FBXO4: variants seen among roughly 807,000 people sequenced by gnomAD.
FBXO4 encodes the protein F-box protein 4.
FBXO4 carries 36 observed loss-of-function variants against 43.7 expected under a neutral mutation model. The observed-to-expected ratio is 0.82, with a 90% confidence interval of 0.63 to 1.09. FBXO4 has a LOEUF of 1.09. FBXO4 is among the 50% of genes least tolerant of loss of function. The pLI is 0.00. For missense variants in FBXO4, 435 were observed against 474.1 expected (o/e 0.92, Z 0.77); for synonymous variants, 180 against 165.6 (o/e 1.09, Z -0.67).
chr5:41,926,129 A>C (rs1049227655), intron 1 of FBXO4, among the ~76,000 whole-genome samples: 8 of 152,202 alleles, frequency 5.3e-5, no homozygotes, highest in African/African-American at 1.9e-4. Flanking sequence ...AAATTATTGA[A>C]AATTATTACA....
intron 5 of FBXO4, among the ~76,000 whole-genome samples, chr5:41,937,388 G>A (rs977241499): frequency 1.3e-5 from 2 of 152,048 alleles, no homozygotes; most frequent in African/African-American, 4.8e-5. Flanking sequence ...ACTGCAAGGG[G>A]GAAAAAACAT....
chr5:41,933,075 C>T (rs1314350082), intron 3 of FBXO4, among the ~76,000 whole-genome samples: 2 of 152,126 alleles, frequency 1.3e-5, no homozygotes, highest in Admixed American at 6.6e-5. Flanking sequence ...ATTAGTTCAA[C>T]TTCTTTTTGG....
chr5:41,942,728 C>A (rs1752023718), downstream of FBXO4, among the ~76,000 whole-genome samples: 1 of 151,986 alleles, frequency 6.6e-6, no homozygotes, highest in Non-Finnish European at 1.5e-5. Flanking sequence ...TTTTCCTAGT[C>A]CTAATTATCT....
chr5:42,031,471 A>C, the FBXO4 span, among the ~76,000 whole-genome samples: 2 of 72,200 alleles, frequency 2.8e-5, no homozygotes, highest in Admixed American at 1.6e-4. Context: ...GAGTGGGGGG[A>C]GGGGGGAGGG....
At chr5:41,933,231 A>AT (rs755683170) in intron 3 of FBXO4, among the ~76,000 whole-genome samples, 103 of 152,102 alleles carry the variant, frequency 6.8e-4, no homozygotes, top group Admixed American at 6.5e-4. Flanking sequence ...ATTTATTATT[A>AT]TTTTTTGAGA....
downstream of FBXO4, among the ~76,000 whole-genome samples, chr5:41,942,749 C>G (rs1353821737): frequency 6.6e-6 from 1 of 152,018 alleles, no homozygotes; most frequent in African/African-American, 2.4e-5. Flanking sequence ...TTGGATAGGA[C>G]TTGCTGCATG....
the FBXO4 span, among the ~76,000 whole-genome samples, chr5:42,035,217 G>C: frequency 6.6e-6 from 1 of 151,898 alleles, no homozygotes; most frequent in Non-Finnish European, 1.5e-5. Context: ...AAAGAGTTTT[G>C]GGGTTGAGAT....
the FBXO4 span, among the ~76,000 whole-genome samples, chr5:42,029,174 T>C: frequency 1.3e-5 from 2 of 152,036 alleles, no homozygotes; most frequent in African/African-American, 2.4e-5. Flanking sequence ...AGAAAGTCTT[T>C]ATTTCTCCTT....
At chr5:41,936,743 C>G (rs1428157418) in intron 5 of FBXO4, among the ~76,000 whole-genome samples, 1 of 151,690 alleles carries the variant, frequency 6.6e-6, no homozygotes, top group Non-Finnish European at 1.5e-5. Flanking sequence ...TTAAGTCATT[C>G]AGAATTATCC....
At chr5:42,012,140 C>T in the FBXO4 span, among the ~76,000 whole-genome samples, 1 of 152,216 alleles carries the variant, frequency 6.6e-6, no homozygotes, top group South Asian at 2.1e-4. Flanking sequence ...GTTCAGGAAA[C>T]CCTAACTAAG....
the FBXO4 span, among the ~76,000 whole-genome samples, chr5:41,989,692 T>C: frequency 6.6e-6 from 1 of 152,194 alleles, no homozygotes. Context: ...AAGTCAAAGA[T>C]GTCTACCCTG....
chr5:41,956,280 T>C, the FBXO4 span, among the ~76,000 whole-genome samples: 7 of 152,250 alleles, frequency 4.6e-5, no homozygotes, highest in Admixed American at 2.6e-4. Flanking sequence ...AAGGCCCAAA[T>C]TGGGCTTCTG....
At chr5:41,937,851 CAATA>C (rs767147204) in intron 5 of FBXO4, among the ~76,000 whole-genome samples, 45 of 152,300 alleles carry the variant, frequency 3.0e-4, no homozygotes, top group Admixed American at 5.9e-4. Flanking sequence ...TTTTTAATGG[CAATA>C]TTAATCTACT....
the FBXO4 span, among the ~76,000 whole-genome samples, chr5:41,995,036 A>G: frequency 6.6e-6 from 1 of 152,114 alleles, no homozygotes; most frequent in Non-Finnish European, 1.5e-5. Flanking sequence ...AAGTACTATC[A>G]CCTAGTTGGC....
intron 1 of FBXO4, among the ~76,000 whole-genome samples, chr5:41,926,581 A>G (rs1457935209): frequency 6.6e-6 from 1 of 152,216 alleles, no homozygotes. Context: ...TCAAAAAAGA[A>G]AAAGACAAAT....
At chr5:41,952,587 G>T in the FBXO4 span, among the ~76,000 whole-genome samples, 3 of 152,060 alleles carry the variant, frequency 2.0e-5, no homozygotes, top group African/African-American at 7.2e-5. Context: ...AAGGAACTTT[G>T]TGCCTTTTAG....
At chr5:42,029,888 T>A in the FBXO4 span, among the ~76,000 whole-genome samples, 1 of 152,038 alleles carries the variant, frequency 6.6e-6, no homozygotes, top group Non-Finnish European at 1.5e-5. Flanking sequence ...TTTTTGGAGT[T>A]TCCTCAACAC....
At chr5:41,964,469 T>C in the FBXO4 span, among the ~76,000 whole-genome samples, 1 of 152,108 alleles carries the variant, frequency 6.6e-6, no homozygotes, top group African/African-American at 2.4e-5. Context: ...ACTCAAACTC[T>C]TAAAAATATT....
chr5:41,950,952 T>C, the FBXO4 span, among the ~76,000 whole-genome samples: 1 of 152,084 alleles, frequency 6.6e-6, no homozygotes, highest in African/African-American at 2.4e-5. Context: ...CTCAGCAAAC[T>C]AACACAAGAA....
Sources: allele counts gnomAD v4.1 joint callset (sites outside exome capture counted in the v4.1 genomes callset), GRCh38; gene constraint gnomAD v4.1.1; transcripts MANE v1.5; gene names NCBI Gene and HGNC (gene_info 2026-07-23, HGNC 2026-07-21).